Variants in RIN2 observed in about 807,000 individuals in gnomAD.
RIN2 encodes the protein RAB5 interacting protein 2.
In RIN2, 36 loss-of-function variants were observed where a neutral mutation model predicts 78.0. The observed-to-expected ratio is 0.46, with a 90% CI of 0.35 to 0.61. The LOEUF (loss-of-function observed/expected upper bound fraction) is 0.61, where lower values mean the gene tolerates loss of function less well. Ranked by LOEUF, RIN2 falls within the 20% of genes least tolerant of loss-of-function variation. The pLI is 0.00. For synonymous variants in RIN2, 466 were observed against 466.8 expected, an observed-to-expected ratio of 1.00 and a Z score of 0.02; for missense variants, 1,087 against 1,159.7, an observed-to-expected ratio of 0.94 and a Z score of 0.91.
intron 2 of RIN2, among the ~76,000 whole-genome samples, chr20:19,855,966 C>T (rs1056198237): frequency 5.7e-4 from 87 of 152,138 alleles, no homozygotes; most frequent in African/African-American, 2.0e-3. Flanking sequence ...CCCAGCTACT[C>T]GGGAGGCTGA....
intron 4 of RIN2, among the ~76,000 whole-genome samples, chr20:19,945,888 T>A (rs1231913890): frequency 7.2e-4 from 110 of 152,198 alleles, no homozygotes; most frequent in Non-Finnish European, 1.0e-4. Context: ...GCCAGGTGGC[T>A]CTTGGTAGCT....
chr20:20,002,318 AGCCTTG>A lies in RIN2; in HGVS notation c.*1385_*1390del, dbSNP rs1426871879. 1.3e-5 allele frequency: 2 copies of A among 152,642 alleles called. No homozygotes were observed. Among genetic ancestry groups the A allele is most frequent in the Non-Finnish European group, 2.9e-5 (2 of 68,036 alleles). The allele number at this position is 152,642 out of a possible 1,614,324, so 9.5% of individuals were successfully genotyped here. A position where few individuals can be genotyped will look rare whatever the true frequency, so the allele number is the denominator to read the frequency against. ...TGGCTTTGTACCTTGTACCTTTTTT[AGCCTTG>A]GCTTTTGTTGAACTAGAACCCTCAG... On this transcript the variant is annotated 3_prime_UTR_variant, in exon 13 of 13. Transcript: ENST00000255006.
intron 3 of RIN2, among the ~76,000 whole-genome samples, chr20:19,916,035 A>G (rs1280462683): frequency 6.6e-6 from 1 of 152,140 alleles, no homozygotes; most frequent in Non-Finnish European, 1.5e-5. Flanking sequence ...AGGTCAAGAG[A>G]CCGAGACCAT....
intron 1 of RIN2, among the ~76,000 whole-genome samples, chr20:19,770,873 ACC>A (rs57943156): frequency 0.42 from 49,474 of 118,100 alleles, 10,558 homozygotes; most frequent in African/African-American, 0.62. Flanking sequence ...GACTGCCCCC[ACC>A]CCCCCCCCCC....
At chr20:19,817,671 G>A (rs6515040) in intron 2 of RIN2, among the ~76,000 whole-genome samples, 43,516 of 151,904 alleles carry the variant, frequency 0.29, 6,615 homozygotes, top group African/African-American at 0.41. Context: ...TGAAACTAAA[G>A]ACTGAAAAAG....
At chr20:19,886,499 C>T (rs918364954) in intron 2 of RIN2, 10 of 551,686 alleles carry the variant, frequency 1.8e-5, no homozygotes, top group African/African-American at 3.8e-5. Context: ...CGCCGACCAA[C>T]GCGACCAGCT....
At chr20:19,876,831 G>C (rs62200205) in intron 2 of RIN2, among the ~76,000 whole-genome samples, 21 of 151,932 alleles carry the variant, frequency 1.4e-4, no homozygotes, top group Non-Finnish European at 2.5e-4. Context: ...CTTGAACCCA[G>C]CGGGGCGGAG....
chr20:19,972,594 T>C (rs1403442310), intron 8 of RIN2, among the ~76,000 whole-genome samples: 3 of 152,170 alleles, frequency 2.0e-5, no homozygotes, highest in Non-Finnish European at 4.4e-5. Flanking sequence ...TCCTCGAGGG[T>C]CTGCTTTGTG....
chr20:19,900,907 A>G (rs2038948994), intron 3 of RIN2, among the ~76,000 whole-genome samples: 2 of 140,410 alleles, frequency 1.4e-5, no homozygotes, highest in Admixed American at 1.6e-4. Flanking sequence ...CCGAGATCAC[A>G]CCATTGCACT....
At chr20:19,882,977 T>C (rs925088385) in intron 2 of RIN2, among the ~76,000 whole-genome samples, 5 of 152,220 alleles carry the variant, frequency 3.3e-5, no homozygotes, top group Non-Finnish European at 5.9e-5. Flanking sequence ...TAGTAGGCTA[T>C]TTGTAGCTAA....
intron 3 of RIN2, among the ~76,000 whole-genome samples, chr20:19,918,243 G>A (rs1447833894): frequency 6.9e-6 from 1 of 144,982 alleles, no homozygotes; most frequent in Admixed American, 7.0e-5. Flanking sequence ...AGGCCAGAAA[G>A]GTTAAGCAAC....
chr20:19,871,620 C>CA (rs2037691456), intron 2 of RIN2, among the ~76,000 whole-genome samples: 1 of 152,164 alleles, frequency 6.6e-6, no homozygotes, highest in African/African-American at 2.4e-5. Flanking sequence ...CTAGGTTTGG[C>CA]TGGGAGTTAG....
chr20:19,834,947 A>AAGAGAGAG (rs5840858), intron 2 of RIN2, among the ~76,000 whole-genome samples: 5 of 143,832 alleles, frequency 3.5e-5, no homozygotes, highest in East Asian at 2.1e-4. Flanking sequence ...CTGTGAAGAA[A>AAGAGAGAG]AGAGAGAGAG....
chr20:19,937,358 G>A (rs1370238294), intron 4 of RIN2, among the ~76,000 whole-genome samples: 2 of 152,184 alleles, frequency 1.3e-5, no homozygotes, highest in Middle Eastern at 3.2e-3. Context: ...CACCGCCCGG[G>A]CCCCTGGCTC....
At chr20:19,949,276 C>T (rs565622292) in intron 4 of RIN2, among the ~76,000 whole-genome samples, 8 of 152,236 alleles carry the variant, frequency 5.3e-5, no homozygotes, top group South Asian at 4.1e-4. Context: ...AGCCAGACTC[C>T]GTCTCAAAAT....
intron 1 of RIN2, among the ~76,000 whole-genome samples, chr20:19,781,955 TGGTAGGTTACTAA>T (rs571269787): frequency 4.0e-4 from 61 of 152,266 alleles, no homozygotes; most frequent in Middle Eastern, 3.4e-3. Flanking sequence ...CCATTTCCCA[TGGTAGGTTACTAA>T]GGTAGTGTAA....
At chr20:19,863,077 A>G (rs1029480431) in intron 2 of RIN2, among the ~76,000 whole-genome samples, 5 of 152,142 alleles carry the variant, frequency 3.3e-5, no homozygotes, top group African/African-American at 9.7e-5. Flanking sequence ...TCTCATATAC[A>G]TCTTATTGCT....
intron 3 of RIN2, among the ~76,000 whole-genome samples, chr20:19,915,799 C>T (rs2039660263): frequency 6.6e-6 from 1 of 152,192 alleles, no homozygotes; most frequent in African/African-American, 2.4e-5. Flanking sequence ...TCAGAGGACA[C>T]TGACAAGCTC....
Position 19,796,370 on chromosome 20 carries a change from T to G in RIN2, c.-162-3252T>G, listed in dbSNP as rs777263646. ...TCTGGACTAACTACAGCAATGTTTT[T>G]CAAGCTGTAGGTCATGATCCCCCAG... On this transcript the variant is annotated intron_variant, in intron 1 of 12. Coordinates refer to ENST00000255006, the MANE Select transcript of RIN2 (RefSeq NM_018993.4). 2.6e-5 allele frequency among the ~76,000 whole-genome samples: 4 copies of G among 152,258 alleles called. No individual in the cohort carries two copies. In the South Asian group the frequency reaches 8.3e-4, roughly 32 times the overall value.
Sources: allele counts gnomAD v4.1 joint callset (sites outside exome capture counted in the v4.1 genomes callset), GRCh38; gene constraint gnomAD v4.1.1; transcripts MANE v1.5; gene names NCBI Gene and HGNC (gene_info 2026-07-23, HGNC 2026-07-21).